CACNA2D4: variants seen among roughly 807,000 people sequenced by gnomAD.
CACNA2D4 encodes the protein voltage-dependent calcium channel subunit alpha-2/delta-4.
CACNA2D4 carries 157 observed loss-of-function variants against 163.8 expected under a neutral mutation model. That is an observed-to-expected ratio of 0.96 (90% CI 0.84 to 1.09). The LOEUF (loss-of-function observed/expected upper bound fraction) is 1.09, where lower values mean the gene tolerates loss of function less well. Ranked by LOEUF, CACNA2D4 falls within the 50% of genes least tolerant of loss-of-function variation. CACNA2D4 has a pLI of 0.00. For missense variants in CACNA2D4, 1,410 were observed against 1,479.9 expected (o/e 0.95, Z 0.78); for synonymous variants, 598 against 586.9 (o/e 1.02, Z -0.27).
intron 16 of CACNA2D4, among the ~76,000 whole-genome samples, chr12:1,877,322 T>G (rs1203803390): frequency 6.6e-6 from 1 of 152,158 alleles, no homozygotes; most frequent in Admixed American, 6.5e-5. Flanking sequence ...ATTTCCCTAG[T>G]GAGTCATTCT....
intron 6 of CACNA2D4, among the ~76,000 whole-genome samples, chr12:1,902,316 C>A (rs915618959): frequency 6.6e-6 from 1 of 152,032 alleles, no homozygotes; most frequent in African/African-American, 2.4e-5. Flanking sequence ...ACAAGGATGT[C>A]CACTTTCACC....
At chr12:1,854,187 A>C (rs1208154289) in intron 22 of CACNA2D4, 143 bp from the exon 23 acceptor site, 1 of 562,512 alleles carries the variant, frequency 1.8e-6, no homozygotes, top group Non-Finnish European at 3.0e-6. Flanking sequence ...AGCTTGAGGG[A>C]GCTGCCTCAC....
chr12:1,828,784 C>A lies in CACNA2D4; in HGVS notation c.2551+11955G>T, dbSNP rs953653438. On this transcript the variant is annotated intron_variant, in intron 26 of 37. Coordinates refer to ENST00000382722, the MANE Select transcript of CACNA2D4 (RefSeq NM_172364.5). The surrounding 1 kb of genome is among the most constrained non-coding windows in gnomAD (Gnocchi z 4.2). Reference sequence around the variant, plus strand: ...TGGGGAGTGGGTCCAACCCCTCCTGCATATAGGCAGACTGAGCCGTCCATT... The same window carrying A: ...TGGGGAGTGGGTCCAACCCCTCCTGAATATAGGCAGACTGAGCCGTCCATT... 6.6e-6 allele frequency among the ~76,000 whole-genome samples: 1 copy of A among 152,154 alleles called. No homozygotes were observed. Among genetic ancestry groups the A allele is most frequent in the East Asian group, 1.9e-4 (1 of 5,190 alleles).
At chr12:1,915,967 G>A (rs917888014) in intron 1 of CACNA2D4, among the ~76,000 whole-genome samples, 12 of 152,226 alleles carry the variant, frequency 7.9e-5, no homozygotes, top group African/African-American at 2.7e-4. Context: ...CATGTTTGAA[G>A]GTGCCCATGA....
chr12:1,877,231 G>A (rs971607872), intron 16 of CACNA2D4, among the ~76,000 whole-genome samples: 2 of 152,194 alleles, frequency 1.3e-5, no homozygotes, highest in African/African-American at 2.4e-5. Context: ...CCTTATATTC[G>A]TCTAGAGTAC....
chr12:1,844,935 T>G lies in CACNA2D4; in HGVS notation c.2343-406A>C, dbSNP rs1865110696. Among the ~76,000 whole-genome samples, 2 of 152,130 alleles carry G rather than the reference T, an allele frequency of 1.3e-5. No homozygotes were observed. Among genetic ancestry groups the G allele is most frequent in the South Asian group, 4.1e-4 (2 of 4,830 alleles). On this transcript the variant is annotated intron_variant, in intron 24 of 37. Transcript: ENST00000382722. The surrounding 1 kb of genome is among the most constrained non-coding windows in gnomAD (Gnocchi z 4.2). ...CCCCCAAATGGTTCCTTCAACAGGA[T>G]TGCCTCTAGGTTTTTGCATACATTA...
chr12:1,914,492 G>A (rs1310724485), intron 2 of CACNA2D4, among the ~76,000 whole-genome samples: 2 of 152,046 alleles, frequency 1.3e-5, no homozygotes, highest in Admixed American at 6.5e-5. Flanking sequence ...GGCCCTGCAC[G>A]TGCCCTCCAA....
intron 26 of CACNA2D4, among the ~76,000 whole-genome samples, chr12:1,824,611 G>A (rs1039471905): frequency 1.6e-4 from 25 of 152,158 alleles, no homozygotes; most frequent in African/African-American, 5.3e-4. Flanking sequence ...AGGAGATCTC[G>A]CTGTCCCCCA....
At chr12:1,831,236 G>A (rs1864613980) in intron 26 of CACNA2D4, 1 of 1,613,684 alleles carries the variant, frequency 6.2e-7, no homozygotes, top group Admixed American at 1.7e-5. Context: ...AGCTTCAGCT[G>A]CGCAATAACA....
At chr12:1,907,772 AGCCTGGTGAGTATGCCTGGTGGGTGT>A (rs1352099028) in intron 5 of CACNA2D4, 77 bp downstream of exon 5, 23 of 1,405,316 alleles carry the variant, frequency 1.6e-5, no homozygotes, top group Admixed American at 1.2e-4. Flanking sequence ...CTGGTGGGCC[AGCCTGGTGAGTATGCCTGGTGGGTGT>A]GCCTGGTGGG....
In CACNA2D4 at chr12:1,828,247, C is replaced by A. The variant is rs371518396; in HGVS notation, c.2551+12492G>T. The A allele has an allele frequency of 5.3e-6, 7 of 1,315,192 alleles. No individual in the cohort carries two copies. The highest frequency in any genetic ancestry group is 2.8e-5 in the East Asian group (1 of 35,592). The allele number at this position is 1,315,192 out of a possible 1,614,324, so 81.5% of individuals were successfully genotyped here. Reference sequence around the variant, plus strand: ...ACACCCCTGGCCTCGGAGGGGGGTGCGGGTTGGGTGGGGGTGCCGAGGTGA... The same window carrying A: ...ACACCCCTGGCCTCGGAGGGGGGTGAGGGTTGGGTGGGGGTGCCGAGGTGA... On this transcript the variant is annotated intron_variant, in intron 26 of 37. Transcript: ENST00000382722. This position sits in a 1 kb window ranked among gnomAD's most constrained non-coding sequence, Gnocchi z 4.2.
At chr12:1,797,087 C>A (rs1385874402) in intron 35 of CACNA2D4, among the ~76,000 whole-genome samples, 1 of 152,226 alleles carries the variant, frequency 6.6e-6, no homozygotes, top group Non-Finnish European at 1.5e-5. Flanking sequence ...CGCCGAAGGG[C>A]CCACTCGCCC....
At chr12:1,811,081 G>A (rs1372518392) in intron 27 of CACNA2D4, among the ~76,000 whole-genome samples, 2 of 152,218 alleles carry the variant, frequency 1.3e-5, no homozygotes, top group African/African-American at 2.4e-5. Context: ...CATCCCTCTC[G>A]ATTCACTCTT....
In CACNA2D4 at chr12:1,828,761, G is replaced by A. The variant is rs1289067396; in HGVS notation, c.2551+11978C>T. Among the ~76,000 whole-genome samples, 1 of 152,210 alleles carries A rather than the reference G, an allele frequency of 6.6e-6. No individual in the cohort carries two copies. The highest frequency in any genetic ancestry group is 2.4e-5 in the African/African-American group (1 of 41,442). ...GGATGCGGCGCTGGAAGAGACTTTG[G>A]GGAGTGGGTCCAACCCCTCCTGCAT... On this transcript the variant is annotated intron_variant, in intron 26 of 37. Coordinates refer to ENST00000382722, the MANE Select transcript of CACNA2D4 (RefSeq NM_172364.5). This position sits in a 1 kb window ranked among gnomAD's most constrained non-coding sequence, Gnocchi z 4.2.
At chr12:1,831,282 T>C (rs138218279) in intron 26 of CACNA2D4, 1 of 1,613,594 alleles carries the variant, frequency 6.2e-7, no homozygotes, top group Non-Finnish European at 8.5e-7. Flanking sequence ...GCTGCGGCAC[T>C]CGCCGCTGCT....
At chr12:1,913,983 G>A (rs1241048035) in intron 2 of CACNA2D4, among the ~76,000 whole-genome samples, 1 of 152,228 alleles carries the variant, frequency 6.6e-6, no homozygotes, top group Non-Finnish European at 1.5e-5. Flanking sequence ...AAGCATAGGA[G>A]CGTGCTGTGA....
chr12:1,795,052 A>T (rs1460024411), intron 37 of CACNA2D4: 1 of 583,600 alleles, frequency 1.7e-6, no homozygotes, highest in East Asian at 2.8e-5. Flanking sequence ...TGCACCTATC[A>T]CCCTAATCAG....
intron 20 of CACNA2D4, among the ~76,000 whole-genome samples, chr12:1,857,462 T>C (rs1865424758): frequency 6.6e-6 from 1 of 152,162 alleles, no homozygotes; most frequent in Non-Finnish European, 1.5e-5. Flanking sequence ...GGAGAACAGC[T>C]GGAAGCTACT....
intron 30 of CACNA2D4, among the ~76,000 whole-genome samples, chr12:1,801,372 C>A (rs758338031): frequency 2.0e-5 from 3 of 152,328 alleles, no homozygotes; most frequent in East Asian, 1.9e-4. Flanking sequence ...CTGCGGAGCC[C>A]CTCCCAGGGA....
Sources: allele counts gnomAD v4.1 joint callset (sites outside exome capture counted in the v4.1 genomes callset), GRCh38; gene constraint gnomAD v4.1.1; non-coding constraint Gnocchi (gnomAD v3.1); transcripts MANE v1.5; gene names NCBI Gene and HGNC (gene_info 2026-07-23, HGNC 2026-07-21).